The following GALNT13 variants were observed in gnomAD, a reference collection of about 807,000 sequenced individuals.
GALNT13 encodes the protein UDP-GalNAc:polypeptide N-acetylgalactosaminyltransferase 13.
In GALNT13, 28 loss-of-function variants were observed where a neutral mutation model predicts 64.2. The ratio of observed to expected loss-of-function variants is 0.44; its 90% CI spans 0.32 to 0.60. The LOEUF is 0.60. Ranked by LOEUF, GALNT13 falls within the 20% of genes least tolerant of loss-of-function variation. The pLI, the probability that GALNT13 is intolerant of heterozygous loss-of-function variation, is 0.05. For synonymous variants in GALNT13, 214 were observed against 224.6 expected, an observed-to-expected ratio of 0.95 and a Z score of 0.42; for missense variants, 577 against 669.8, an observed-to-expected ratio of 0.86 and a Z score of 1.53.
intron 3 of GALNT13, among the ~76,000 whole-genome samples, chr2:154,002,926 A>G (rs1696006778): frequency 6.6e-6 from 1 of 152,200 alleles, no homozygotes; most frequent in Non-Finnish European, 1.5e-5. Flanking sequence ...TCCCATGCTG[A>G]GGATGACTTA....
At chr2:153,121,218 T>C in the GALNT13 span, among the ~76,000 whole-genome samples, 1 of 152,244 alleles carries the variant, frequency 6.6e-6, no homozygotes, top group African/African-American at 2.4e-5. Flanking sequence ...ATTTGTAGAT[T>C]GTTTGCCAGG....
chr2:153,482,842 T>C, the GALNT13 span, among the ~76,000 whole-genome samples: 8 of 151,892 alleles, frequency 5.3e-5, no homozygotes, highest in Admixed American at 3.3e-4. Context: ...CTTTACAGAA[T>C]TTTGAAAGGA....
chr2:154,339,260 C>T (rs1695621603), intron 9 of GALNT13, among the ~76,000 whole-genome samples: 1 of 152,108 alleles, frequency 6.6e-6, no homozygotes, highest in Non-Finnish European at 1.5e-5. Flanking sequence ...TCATTATCTT[C>T]TGTCTTCTAC....
At chr2:154,073,216 G>A (rs1700824368) in intron 3 of GALNT13, among the ~76,000 whole-genome samples, 2 of 136,870 alleles carry the variant, frequency 1.5e-5, no homozygotes, top group Admixed American at 7.2e-5. Flanking sequence ...TAGAGTAAAA[G>A]CACTTGTGCG....
At chr2:153,359,415 T>A in the GALNT13 span, among the ~76,000 whole-genome samples, 1 of 152,124 alleles carries the variant, frequency 6.6e-6, no homozygotes, top group Non-Finnish European at 1.5e-5. Context: ...AGAATCTTTT[T>A]ATTTAAATTT....
At chr2:154,276,000 G>C (rs141747643) in intron 8 of GALNT13, among the ~76,000 whole-genome samples, 3 of 152,184 alleles carry the variant, frequency 2.0e-5, no homozygotes, top group Non-Finnish European at 4.4e-5. Flanking sequence ...CTTGCATTGG[G>C]CCTGTAGCTT....
At chr2:153,594,632 C>A in the GALNT13 span, among the ~76,000 whole-genome samples, 4 of 152,188 alleles carry the variant, frequency 2.6e-5, no homozygotes, top group African/African-American at 9.6e-5. Flanking sequence ...TAACTGCAGA[C>A]CTATATTTCC....
At chr2:153,494,489 C>T in the GALNT13 span, among the ~76,000 whole-genome samples, 1 of 151,732 alleles carries the variant, frequency 6.6e-6, no homozygotes, top group African/African-American at 2.4e-5. Context: ...CAGCAAGTAC[C>T]CCAAAACAAT....
chr2:153,547,697 A>C, the GALNT13 span, among the ~76,000 whole-genome samples: 2 of 152,206 alleles, frequency 1.3e-5, no homozygotes, highest in African/African-American at 4.8e-5. Flanking sequence ...TAGAAATTAT[A>C]TAGAGTAGAT....
intron 2 of GALNT13, among the ~76,000 whole-genome samples, chr2:153,910,402 C>A (rs1456779392): frequency 6.6e-6 from 1 of 151,994 alleles, no homozygotes; most frequent in African/African-American, 2.4e-5. Flanking sequence ...ATTCATTGAT[C>A]TTTTGAATGG....
chr2:153,455,899 A>G, the GALNT13 span, among the ~76,000 whole-genome samples: 6 of 152,192 alleles, frequency 3.9e-5, no homozygotes, highest in African/African-American at 1.4e-4. Context: ...AATGCGGAGC[A>G]TTTTATTGCC....
At chr2:153,625,339 T>A in the GALNT13 span, among the ~76,000 whole-genome samples, 1 of 152,126 alleles carries the variant, frequency 6.6e-6, no homozygotes, top group Non-Finnish European at 1.5e-5. Flanking sequence ...TGATTGCATA[T>A]GGTACTGACT....
At chr2:153,789,160 C>T in the GALNT13 span, among the ~76,000 whole-genome samples, 1 of 152,028 alleles carries the variant, frequency 6.6e-6, no homozygotes, top group Non-Finnish European at 1.5e-5. Context: ...CTTCTTATTG[C>T]CACATGACAC....
chr2:154,148,868 T>A (rs1023849143), intron 4 of GALNT13, among the ~76,000 whole-genome samples: 1 of 152,120 alleles, frequency 6.6e-6, no homozygotes, highest in African/African-American at 2.4e-5. Flanking sequence ...TTTCTCCCAT[T>A]TTGTAGGTTG....
intron 9 of GALNT13, among the ~76,000 whole-genome samples, chr2:154,382,805 T>A (rs766426927): frequency 3.3e-5 from 5 of 151,536 alleles, no homozygotes; most frequent in Non-Finnish European, 5.9e-5. Context: ...TTTTTAAATA[T>A]AAGTTTCTAC....
intron 4 of GALNT13, among the ~76,000 whole-genome samples, chr2:154,164,711 C>A (rs1250691755): frequency 1.3e-5 from 2 of 151,986 alleles, no homozygotes; most frequent in Admixed American, 6.6e-5. Flanking sequence ...CGTGACGTGG[C>A]AGCCTCAAAT....
intron 8 of GALNT13, among the ~76,000 whole-genome samples, chr2:154,295,301 G>C (rs1336991445): frequency 6.6e-6 from 1 of 151,476 alleles, no homozygotes; most frequent in East Asian, 1.9e-4. Flanking sequence ...ATTTAGCACT[G>C]ATTTTATAGC....
At chr2:153,889,158 G>A (rs1253003984) in intron 1 of GALNT13, among the ~76,000 whole-genome samples, 1 of 151,784 alleles carries the variant, frequency 6.6e-6, no homozygotes, top group African/African-American at 2.4e-5. Context: ...GGTCCTCCAC[G>A]ATCTTGGCCT....
intron 9 of GALNT13, among the ~76,000 whole-genome samples, chr2:154,375,266 G>T (rs1574190050): frequency 6.6e-6 from 1 of 152,082 alleles, no homozygotes; most frequent in Non-Finnish European, 1.5e-5. Context: ...GAGATCACAG[G>T]CTTGAGCCAC....
Sources: gnomAD v4.1 joint callset for allele counts (sites outside exome capture counted in the v4.1 genomes callset) on GRCh38, gnomAD v4.1.1 for gene constraint, MANE v1.5 for transcripts, NCBI Gene and HGNC (gene_info 2026-07-23, HGNC 2026-07-21) for gene names.